CIT: variants seen among roughly 807,000 people sequenced by gnomAD.
The protein encoded by CIT is citron rho-interacting serine/threonine kinase.
Under a neutral mutation model 272.7 loss-of-function variants are expected in CIT, and 79 were observed. That is an observed-to-expected ratio of 0.29 (90% CI 0.24 to 0.35). The LOEUF (loss-of-function observed/expected upper bound fraction) is 0.35. Among genes scored for constraint, CIT ranks in the 10% least tolerant of loss-of-function variants. The pLI, the probability that CIT is intolerant of heterozygous loss-of-function variation, is 1.00. For synonymous variants in CIT, 948 were observed against 995.6 expected, an observed-to-expected ratio of 0.95 and a Z score of 0.90; for missense variants, 1,909 against 2,618.3, an observed-to-expected ratio of 0.73 and a Z score of 5.91.
chr12:119,827,193 AC>A (rs1968240837), intron 7 of CIT, among the ~76,000 whole-genome samples: 1 of 152,082 alleles, frequency 6.6e-6, no homozygotes, highest in Non-Finnish European at 1.5e-5. Flanking sequence ...ACTATCCAAA[AC>A]CCACAGGCAG....
intron 5 of CIT, among the ~76,000 whole-genome samples, chr12:119,849,600 AGACT>A (rs1421282755): frequency 6.6e-6 from 1 of 152,206 alleles, no homozygotes; most frequent in East Asian, 1.9e-4. Flanking sequence ...ACATAATGAC[AGACT>A]ATTCCCCAAT....
chr12:119,862,362 T>C (rs570753424), intron 3 of CIT, among the ~76,000 whole-genome samples: 90 of 152,232 alleles, frequency 5.9e-4, no homozygotes, highest in African/African-American at 2.0e-3. Flanking sequence ...CAAACAAAAT[T>C]GGCACACTAT....
At chr12:119,771,020 A>G in intron 17 of CIT, 110 bp from the exon 18 acceptor site, 3 of 1,321,972 alleles carry the variant, frequency 2.3e-6, no homozygotes, top group Middle Eastern at 1.9e-4. Context: ...TCAGGAAGAA[A>G]AGTCTCAGGC....
At position 119,757,403 on chromosome 12, in the gene CIT, G is replaced by A. The variant is rs1321963808; in HGVS notation, c.2674C>T (p.Arg892Trp). 1 of 1,614,116 alleles carries A rather than the reference G, an allele frequency of 6.2e-7. No homozygotes were observed. Among genetic ancestry groups the A allele is most frequent in the Non-Finnish European group, 8.5e-7 (1 of 1,180,028 alleles). Residue 892 changes from arginine to tryptophan, a missense_variant, in exon 22 of 48, where the codon CGG becomes TGG. By Grantham distance (101) the Arg-to-Trp change is moderately radical. Around this residue, in one of 8 missense-constraint regions of CIT, gnomAD observed 530 missense variants for 822.4 expected, o/e 0.64. Coordinates refer to ENST00000392521, the MANE Select transcript of CIT (RefSeq NM_001206999.2). ...AATCTTGTCTCCAGTTCCAGCAGCC[G>A]ATTCTTGTCACTGTGGTCTTGGTGG... The part of the protein sequence containing the change: ...ISHQDHSDKN[R>W]LLELETRLRE...
At chr12:119,862,834 A>AAAAAAAG (rs1950391215) in intron 3 of CIT, among the ~76,000 whole-genome samples, 3 of 136,470 alleles carry the variant, frequency 2.2e-5, no homozygotes, top group Admixed American at 7.2e-5. Flanking sequence ...AAAAAAAAAA[A>AAAAAAAG]AAAAAAGAAA....
chr12:119,690,269 G>C lies in CIT; in HGVS notation c.6068C>G (p.Ser2023Cys). 6.3e-7 allele frequency: 1 copy of C among 1,577,762 alleles called. No homozygotes were observed. Among genetic ancestry groups the C allele is most frequent in the East Asian group, 2.3e-5 (1 of 43,856 alleles). The change falls in exon 47 of 48, where the codon TCC (serine) becomes TGC (cysteine). Residue 2023 changes from serine (S) to cysteine (C), a missense_variant. This residue lies in a region of CIT where 780 missense variants were observed against 1,067.2 expected (regional missense o/e 0.73). Transcript: ENST00000392521. The surrounding 1 kb of genome is among the most constrained non-coding windows in gnomAD (Gnocchi z 6.0). Reference protein sequence around the residue: ...SPGRPLEREKSPGRMLSTRRE... With the variant: ...SPGRPLEREKCPGRMLSTRRE... ...CCGCGTGCTGAGCATCCGGCCGGGGGACTTCTCTCGCTCCAGGGGGCGGCC... is the reference window on the plus strand; with the variant it reads ...CCGCGTGCTGAGCATCCGGCCGGGGCACTTCTCTCGCTCCAGGGGGCGGCC...
chr12:119,751,311 A>T (rs1201924837), intron 23 of CIT, among the ~76,000 whole-genome samples: 1 of 152,028 alleles, frequency 6.6e-6, no homozygotes, highest in Non-Finnish European at 1.5e-5. Flanking sequence ...CACATATCAG[A>T]TTTTTGTGAG....
rs1283015984 is a variant in CIT, at chr12:119,713,751, C to T, written c.4307-103G>A. ...TGGGCTTCTCTACCCCAGCCGGGCCCAGAGAGTCTGGCCCTGGCTTGCAGG... is the reference window on the plus strand; with the variant it reads ...TGGGCTTCTCTACCCCAGCCGGGCCTAGAGAGTCTGGCCCTGGCTTGCAGG... On this transcript the variant is annotated intron_variant, in intron 33 of 47. Transcript: ENST00000392521. The surrounding 1 kb of genome is among the most constrained non-coding windows in gnomAD (Gnocchi z 5.2). The T allele has an allele frequency of 7.9e-7, 1 of 1,261,006 alleles. No individual in the cohort carries two copies. Among genetic ancestry groups the T allele is most frequent in the Non-Finnish European group, 1.1e-6 (1 of 870,200 alleles). 78.1% of individuals were successfully genotyped at this position (1,261,006 alleles called of 1,614,324 possible). A position where few individuals can be genotyped will look rare whatever the true frequency, so the allele number is the denominator to read the frequency against.
chr12:119,744,814 T>A (rs1239826076), intron 23 of CIT, among the ~76,000 whole-genome samples: 4 of 152,072 alleles, frequency 2.6e-5, no homozygotes, highest in Non-Finnish European at 5.9e-5. Flanking sequence ...AATACTATTG[T>A]CAGTTTATAA....
intron 19 of CIT, among the ~76,000 whole-genome samples, chr12:119,765,222 G>A (rs1962275742): frequency 6.6e-6 from 1 of 151,622 alleles, no homozygotes; most frequent in South Asian, 2.1e-4. Flanking sequence ...AAAAGCCCGG[G>A]AGACCCCATC....
At chr12:119,767,014 AG>A in intron 19 of CIT, 72 bp downstream of exon 19, 1 of 1,084,420 alleles carries the variant, frequency 9.2e-7, no homozygotes, top group Non-Finnish European at 1.3e-6. Context: ...AATGGCCACA[AG>A]GGCCCAGGAA....
At chr12:119,747,966 C>T (rs376465306) in intron 23 of CIT, among the ~76,000 whole-genome samples, 118 of 152,108 alleles carry the variant, frequency 7.8e-4, no homozygotes, top group African/African-American at 2.7e-3. Flanking sequence ...GAGTTCAAGA[C>T]CAGCCTGGGA....
In CIT at chr12:119,697,985, G is replaced by A. The variant is rs1956324334; in HGVS notation, c.5693C>T (p.Ser1898Phe). ...GGAGGACAATGCTTACCCTGCTGAG[G>A]AGCGTGCCTGGATCTCAATTACTTC... ...SLEVIEIQAR[S>F]SAGTPARAYL... The change falls in exon 45 of 48, where the codon TCC (serine) becomes TTC (phenylalanine). Residue 1898 changes from serine (S) to phenylalanine (F), a missense_variant. Transcript: ENST00000392521. The surrounding 1 kb of genome is among the most constrained non-coding windows in gnomAD (Gnocchi z 4.9). 2 of 1,614,206 alleles carry A rather than the reference G, an allele frequency of 1.2e-6. No homozygotes were observed. Among genetic ancestry groups the A allele is most frequent in the Non-Finnish European group, 1.7e-6 (2 of 1,180,030 alleles).
rs748592294 is a variant in CIT at position 119,728,640 on chromosome 12, C to A, written c.3487-34G>T. 1 of 1,396,216 alleles carries A rather than the reference C, an allele frequency of 7.2e-7. No individual in the cohort carries two copies. The highest frequency in any genetic ancestry group is 1.2e-5 in the South Asian group (1 of 83,210). The allele number at this position is 1,396,216 out of a possible 1,614,324, so 86.5% of individuals were successfully genotyped here. On this transcript the variant is annotated intron_variant, in intron 27 of 47. Transcript: ENST00000392521. This position sits in a 1 kb window ranked among gnomAD's most constrained non-coding sequence, Gnocchi z 4.3. Reference sequence around the variant, plus strand: ...TTGGAAAGATTGGCATAATGCCACACTTAGGAATGTTAGATGCTGACAACG... The same window carrying A: ...TTGGAAAGATTGGCATAATGCCACAATTAGGAATGTTAGATGCTGACAACG...
Position 119,834,073 on chromosome 12 carries a change from G to C in CIT, c.659+13C>G. On this transcript the variant is annotated intron_variant, in intron 6 of 47. Coordinates refer to ENST00000392521, the MANE Select transcript of CIT (RefSeq NM_001206999.2). Reference sequence around the variant, plus strand: ...AATCCTCAGCATAAAAATGCTACCAGAGTCTCACTTACCGATGCACGTATC... The same window carrying C: ...AATCCTCAGCATAAAAATGCTACCACAGTCTCACTTACCGATGCACGTATC... 6.3e-7 allele frequency: 1 copy of C among 1,597,212 alleles called. No individual in the cohort carries two copies. The highest frequency in any genetic ancestry group is 1.3e-5 in the African/African-American group (1 of 74,246).
At chr12:119,863,514 GTTTT>G (rs200218533) in intron 3 of CIT, among the ~76,000 whole-genome samples, 1 of 151,082 alleles carries the variant, frequency 6.6e-6, no homozygotes, top group African/African-American at 2.4e-5. Flanking sequence ...TAAAATAAAA[GTTTT>G]TTTTTGTTTT....
At position 119,690,361 on chromosome 12, in the gene CIT, C is replaced by T; in HGVS notation, c.5976G>A (p.Pro1992=). The change falls in exon 47 of 48, where the codon CCG becomes CCA. Residue 1992 remains proline (P), a synonymous_variant. Transcript: ENST00000392521. The surrounding 1 kb of genome is among the most constrained non-coding windows in gnomAD (Gnocchi z 6.0). ...SPAPPEGPSH[P]REPSTPHRYR... ...AGCGGTGGGGTGTGCTTGGCTCTCG[C>T]GGGTGGCTGGGGCCTTCGGGCGGCG... 2 of 1,597,810 alleles carry T rather than the reference C, an allele frequency of 1.3e-6. No individual in the cohort carries two copies. Among genetic ancestry groups the T allele is most frequent in the Admixed American group, 3.4e-5 (2 of 59,278 alleles).
In CIT at chr12:119,712,941, T is replaced by C. The variant is rs183812393; in HGVS notation, c.4580-246A>G. ...ATGACGATGCGGATTTATGGGTTAG[T>C]TGACTGAGGCAGAAGTTCTCGGAAG... On this transcript the variant is annotated intron_variant, in intron 35 of 47. Coordinates refer to ENST00000392521, the MANE Select transcript of CIT (RefSeq NM_001206999.2). This position sits in a 1 kb window ranked among gnomAD's most constrained non-coding sequence, Gnocchi z 5.2. 4.5e-4 allele frequency: 260 copies of C among 580,054 alleles called. No individual in the cohort carries two copies. Among genetic ancestry groups the C allele is most frequent in the African/African-American group, 4.0e-3 (212 of 53,558 alleles). The allele number at this position is 580,054 out of a possible 1,614,324, so 35.9% of individuals were successfully genotyped here. A position where few individuals can be genotyped will look rare whatever the true frequency, so the allele number is the denominator to read the frequency against.
chr12:119,843,380 G>A (rs938072363), intron 5 of CIT, among the ~76,000 whole-genome samples: 16 of 152,168 alleles, frequency 1.1e-4, no homozygotes, highest in African/African-American at 3.6e-4. Context: ...AAATACTTCA[G>A]AGGTTATCAC....
Sources: gnomAD v4.1 joint callset for allele counts (sites outside exome capture counted in the v4.1 genomes callset) on GRCh38, gnomAD v4.1.1 for gene constraint, gnomAD v4.1.1 regional missense constraint, Gnocchi (gnomAD v3.1) non-coding constraint, MANE v1.5 for transcripts, NCBI Gene and HGNC (gene_info 2026-07-23, HGNC 2026-07-21) for gene names.